ATRNL1: variants seen among roughly 807,000 people sequenced by gnomAD.
ATRNL1 encodes attractin like 1.
Under a neutral mutation model 182.7 loss-of-function variants are expected in ATRNL1, and 95 were observed. That is an observed-to-expected ratio of 0.52 (90% confidence interval 0.44 to 0.62). The LOEUF is 0.62. Ranked by LOEUF, ATRNL1 falls within the 20% of genes least tolerant of loss-of-function variation. The pLI, the probability that ATRNL1 is intolerant of heterozygous loss-of-function variation, is 0.00. For missense variants in ATRNL1, 1,471 were observed against 1,679.5 expected, an observed-to-expected ratio of 0.88 and a Z score of 2.17; for synonymous variants, 576 against 568.3, an observed-to-expected ratio of 1.01 and a Z score of -0.19.
chr10:115,903,527 C>T (rs1367588789), intron 28 of ATRNL1, among the ~76,000 whole-genome samples: 1 of 152,200 alleles, frequency 6.6e-6, no homozygotes, highest in Non-Finnish European at 1.5e-5. Flanking sequence ...ATGACAAACT[C>T]CCTGCTTCAG....
chr10:115,693,134 A>G lies in ATRNL1; in HGVS notation c.3796-34114A>G, dbSNP rs537229663. Among the ~76,000 whole-genome samples the G allele has an allele frequency of 3.3e-5, 5 of 152,260 alleles. 1 individual carries two copies. Among genetic ancestry groups the G allele is most frequent in the South Asian group, 2.1e-4 (1 of 4,828 alleles). ...GAATAAAAAGGGAAGATTTCATTCA[A>G]ATAAGGGCATTTCACCAGCCCTTTT... On this transcript the variant is annotated intron_variant, in intron 26 of 28. Coordinates refer to ENST00000355044, the MANE Select transcript of ATRNL1 (RefSeq NM_207303.4).
chr10:115,453,439 A>G lies in ATRNL1; in HGVS notation c.3323-8502A>G, dbSNP rs557652958. ...GTTTTGGATATTTACCCCTTGTCCA[A>G]TGTATGATTTGCAAATATTTTCTCT... On this transcript the variant is annotated intron_variant, in intron 21 of 28. Coordinates refer to ENST00000355044, the MANE Select transcript of ATRNL1 (RefSeq NM_207303.4). Among the ~76,000 whole-genome samples, 4 of 152,048 alleles carry G rather than the reference A, an allele frequency of 2.6e-5. No homozygotes were observed. In the South Asian group the frequency reaches 8.3e-4, roughly 31 times the overall value.
At chr10:115,174,721 A>G (rs1554886396) in intron 8 of ATRNL1, among the ~76,000 whole-genome samples, 1 of 151,994 alleles carries the variant, frequency 6.6e-6, no homozygotes, top group African/African-American at 2.4e-5. Flanking sequence ...GTTCAATAAA[A>G]ATTTATTTAC....
At chr10:115,452,805 C>T (rs1847341973) in intron 21 of ATRNL1, among the ~76,000 whole-genome samples, 1 of 152,068 alleles carries the variant, frequency 6.6e-6, no homozygotes, top group Non-Finnish European at 1.5e-5. Flanking sequence ...AATCATTTTG[C>T]ATAACTGAAG....
intron 24 of ATRNL1, among the ~76,000 whole-genome samples, chr10:115,487,546 A>G (rs782495824): frequency 4.6e-5 from 7 of 151,860 alleles, no homozygotes; most frequent in African/African-American, 7.2e-5. Context: ...TTATTGGTGT[A>G]TAGGAATGCT....
At chr10:115,253,161 T>C (rs1554905773) in intron 10 of ATRNL1, among the ~76,000 whole-genome samples, 1 of 152,174 alleles carries the variant, frequency 6.6e-6, no homozygotes, top group East Asian at 1.9e-4. Context: ...AATCAATGCC[T>C]TTGCAAGAGG....
chr10:115,168,814 A>G (rs1442009863), intron 7 of ATRNL1, among the ~76,000 whole-genome samples: 1 of 151,896 alleles, frequency 6.6e-6, no homozygotes, highest in African/African-American at 2.4e-5. Context: ...CTTTATCTTG[A>G]TAAAGTCCAA....
chr10:115,298,196 A>G (rs1853300548), intron 15 of ATRNL1, among the ~76,000 whole-genome samples: 1 of 152,144 alleles, frequency 6.6e-6, no homozygotes, highest in African/African-American at 2.4e-5. Flanking sequence ...TTTGGCAAAT[A>G]AAGATTGACA....
chr10:115,348,262 C>T (rs888702554), intron 19 of ATRNL1, among the ~76,000 whole-genome samples: 2 of 152,196 alleles, frequency 1.3e-5, no homozygotes, highest in African/African-American at 2.4e-5. Flanking sequence ...CATGAGGCAC[C>T]GCGCCTGGCC....
intron 5 of ATRNL1, among the ~76,000 whole-genome samples, chr10:115,158,055 A>T (rs905425189): frequency 1.3e-5 from 2 of 149,852 alleles, no homozygotes; most frequent in African/African-American, 5.1e-5. Context: ...TAGAAAAGTT[A>T]TTATACAAGA....
chr10:115,376,218 C>A (rs1469207024), intron 19 of ATRNL1, among the ~76,000 whole-genome samples: 1 of 151,744 alleles, frequency 6.6e-6, no homozygotes, highest in Non-Finnish European at 1.5e-5. Flanking sequence ...CCATTAATAG[C>A]CTAATGGAGA....
At position 115,538,719 on chromosome 10, in the gene ATRNL1, A is replaced by AT. The variant is rs376393160; in HGVS notation, c.3717-10732dup. 1.8e-3 allele frequency among the ~76,000 whole-genome samples: 272 copies of AT among 152,232 alleles called. 1 individual carries two copies. The highest frequency in any genetic ancestry group is 6.1e-3 in the African/African-American group (252 of 41,550). ...GTTTTTATAAAATTCAATTTAATGC[A>AT]TTTTTTTAAAAACTTGATTATGCTT... On this transcript the variant is annotated intron_variant, in intron 25 of 28. Coordinates refer to ENST00000355044, the MANE Select transcript of ATRNL1 (RefSeq NM_207303.4).
intron 20 of ATRNL1, among the ~76,000 whole-genome samples, chr10:115,395,425 C>G (rs1844239715): frequency 6.6e-6 from 1 of 151,830 alleles, no homozygotes; most frequent in African/African-American, 2.4e-5. Context: ...TTTGTAGAGG[C>G]TTTAAAACAA....
chr10:115,552,411 G>C (rs115154275), intron 26 of ATRNL1, among the ~76,000 whole-genome samples: 146 of 151,404 alleles, frequency 9.6e-4, no homozygotes, highest in African/African-American at 3.2e-3. Flanking sequence ...GGACACCTTT[G>C]ATTAGTAAAA....
At chr10:115,439,037 A>G (rs935669748) in intron 21 of ATRNL1, among the ~76,000 whole-genome samples, 6 of 152,026 alleles carry the variant, frequency 3.9e-5, no homozygotes, top group Non-Finnish European at 8.8e-5. Context: ...TGTTATATAC[A>G]TTATATATTG....
chr10:115,717,912 T>C (rs1313693109), intron 26 of ATRNL1, among the ~76,000 whole-genome samples: 1 of 152,182 alleles, frequency 6.6e-6, no homozygotes, highest in Non-Finnish European at 1.5e-5. Flanking sequence ...TTTGCCACCC[T>C]ACATTTTCTG....
intron 28 of ATRNL1, among the ~76,000 whole-genome samples, chr10:115,854,124 C>G (rs1261680981): frequency 6.6e-6 from 1 of 152,158 alleles, no homozygotes; most frequent in Non-Finnish European, 1.5e-5. Flanking sequence ...TGCAAATAAA[C>G]TCATACTTAC....
intron 28 of ATRNL1, among the ~76,000 whole-genome samples, chr10:115,932,909 A>G (rs934411426): frequency 6.6e-6 from 1 of 152,176 alleles, no homozygotes; most frequent in Non-Finnish European, 1.5e-5. Flanking sequence ...ATGGAAAATT[A>G]TTATGTGCAT....
Position 115,216,206 on chromosome 10 carries a change from A to G in ATRNL1, c.1532+326A>G, listed in dbSNP as rs575651401. The stretch of plus-strand genomic sequence containing the variant: ...ACCTTTTGTTGTTATAAACAATGCT[A>G]CACTGCACTTCTTGCACTGATCTTT... On this transcript the variant is annotated intron_variant, in intron 9 of 28. Coordinates refer to ENST00000355044, the MANE Select transcript of ATRNL1 (RefSeq NM_207303.4). Among the ~76,000 whole-genome samples, 4 of 152,344 alleles carry G rather than the reference A, an allele frequency of 2.6e-5. No homozygotes were observed. In the South Asian group the frequency reaches 6.2e-4, roughly 24 times the overall value.
Sources: allele counts gnomAD v4.1 joint callset (sites outside exome capture counted in the v4.1 genomes callset), GRCh38; gene constraint gnomAD v4.1.1; transcripts MANE v1.5; gene names NCBI Gene and HGNC (gene_info 2026-07-23, HGNC 2026-07-21).